TLK1: variants seen among roughly 807,000 people sequenced by gnomAD.
TLK1 encodes the protein tousled like kinase 1.
In TLK1, 24 loss-of-function variants were observed where a neutral mutation model predicts 105.3. The ratio of observed to expected loss-of-function variants is 0.23; its 90% CI spans 0.17 to 0.32. The LOEUF (loss-of-function observed/expected upper bound fraction) is 0.32. Ranked by LOEUF, TLK1 falls within the 10% of genes least tolerant of loss-of-function variation. TLK1 has a pLI of 1.00. For missense variants in TLK1, 558 were observed against 910.5 expected, an observed-to-expected ratio of 0.61 and a Z score of 4.98; for synonymous variants, 321 against 310.4, an observed-to-expected ratio of 1.03 and a Z score of -0.36.
chr2:171,014,443 T>G (rs1349043801), intron 13 of TLK1, among the ~76,000 whole-genome samples: 2 of 151,892 alleles, frequency 1.3e-5, no homozygotes, highest in African/African-American at 4.8e-5. Flanking sequence ...AAAGCAATCC[T>G]CCTACCTGAG....
At chr2:171,067,406 C>T (rs1688051658) in intron 3 of TLK1, among the ~76,000 whole-genome samples, 1 of 151,976 alleles carries the variant, frequency 6.6e-6, no homozygotes, top group Admixed American at 6.6e-5. Context: ...TGTGATCCAC[C>T]CGCCTCGGCC....
chr2:171,073,061 T>G lies in TLK1; in HGVS notation c.330+9720A>C, dbSNP rs573873535. On this transcript the variant is annotated intron_variant, in intron 3 of 20. Coordinates refer to ENST00000431350, the MANE Select transcript of TLK1 (RefSeq NM_012290.5). Reference sequence around the variant, plus strand: ...TATAGAAATGCTACTTTTTTAATATTGATTTTGTATCCTGCAACTTTACTG... The same window carrying G: ...TATAGAAATGCTACTTTTTTAATATGGATTTTGTATCCTGCAACTTTACTG... 2.0e-3 allele frequency among the ~76,000 whole-genome samples: 310 copies of G among 152,344 alleles called. 1 individual carries two copies. The highest frequency in any genetic ancestry group is 7.7e-3 in the South Asian group (37 of 4,830).
intron 1 of TLK1, among the ~76,000 whole-genome samples, chr2:171,148,923 GTGTGCGTGTGCGTGTGTGTGTA>G (rs1691910351): frequency 1.4e-5 from 2 of 146,310 alleles, no homozygotes; most frequent in South Asian, 4.3e-4. Context: ...GTGTGTGTGT[GTGTGCGTGTGCGTGTGTGTGTA>G]TGTGCGATAT....
At chr2:171,074,097 G>C (rs1558925833) in intron 3 of TLK1, among the ~76,000 whole-genome samples, 1 of 151,940 alleles carries the variant, frequency 6.6e-6, no homozygotes, top group Non-Finnish European at 1.5e-5. Context: ...CACCCTGTTG[G>C]CCAGGCTGGT....
chr2:171,154,945 CAGAAG>C (rs1345476800), intron 1 of TLK1, among the ~76,000 whole-genome samples: 1 of 152,020 alleles, frequency 6.6e-6, no homozygotes, highest in African/African-American at 2.4e-5. Flanking sequence ...ATCCAACTCA[CAGAAG>C]AGATTATGTG....
At chr2:171,017,737 T>C (rs1685277441) in intron 12 of TLK1, among the ~76,000 whole-genome samples, 1 of 152,230 alleles carries the variant, frequency 6.6e-6, no homozygotes, top group South Asian at 2.1e-4. Context: ...GCAAGTTTCA[T>C]TCCATTTGAA....
chr2:171,110,225 T>G (rs1452477602), intron 2 of TLK1, among the ~76,000 whole-genome samples: 4 of 152,170 alleles, frequency 2.6e-5, no homozygotes, highest in African/African-American at 9.7e-5. Flanking sequence ...ATGCCAGCAC[T>G]TTGGGAAGCC....
rs146566864 is a variant in TLK1 at position 171,006,044 on chromosome 2, G to A, written c.1904+103C>T. 769 of 1,215,892 alleles carry A rather than the reference G, an allele frequency of 6.3e-4. 4 individuals carry two copies. The African/African-American group carries it at 0.011, about 17-fold the overall frequency. 75.3% of individuals were successfully genotyped at this position (1,215,892 alleles called of 1,614,324 possible). A position where few individuals can be genotyped will look rare whatever the true frequency, so the allele number is the denominator to read the frequency against. ...GCTTAATATCAGTACCTTTACCACAGTAATCTTAATGGCTACATGGAAATA... is the reference window on the plus strand; with the variant it reads ...GCTTAATATCAGTACCTTTACCACAATAATCTTAATGGCTACATGGAAATA... On this transcript the variant is annotated intron_variant, in intron 18 of 20. Coordinates refer to ENST00000431350, the MANE Select transcript of TLK1 (RefSeq NM_012290.5).
At chr2:171,046,037 A>T in intron 11 of TLK1, 137 bp downstream of exon 11, 1 of 725,006 alleles carries the variant, frequency 1.4e-6, no homozygotes, top group Non-Finnish European at 2.1e-6. Context: ...ATTTAGAGCT[A>T]AATTTTCAAT....
chr2:171,089,148 A>C (rs1689112973), intron 2 of TLK1, among the ~76,000 whole-genome samples: 1 of 152,172 alleles, frequency 6.6e-6, no homozygotes, highest in Non-Finnish European at 1.5e-5. Flanking sequence ...GTGAGACACC[A>C]CATTTGGCCT....
rs1684942834 is a variant in TLK1, at chr2:171,012,045, A to T, written c.1335-591T>A. Among the ~76,000 whole-genome samples, 3 of 152,026 alleles carry T rather than the reference A, an allele frequency of 2.0e-5. No homozygotes were observed. The South Asian group carries it at 6.2e-4, about 32-fold the overall frequency. ...GAGTATCCCTTATTGAAATACCTGG[A>T]ACCAGAAGTGTTTCCGATTTGGGAG... On this transcript the variant is annotated intron_variant, in intron 13 of 20. Transcript: ENST00000431350.
chr2:171,113,226 G>C (rs1408077972), intron 2 of TLK1, among the ~76,000 whole-genome samples: 1 of 151,236 alleles, frequency 6.6e-6, no homozygotes, highest in African/African-American at 2.4e-5. Flanking sequence ...AGACATTTCA[G>C]AGACAAACCT....
chr2:171,136,118 A>G (rs1014390643), intron 1 of TLK1, among the ~76,000 whole-genome samples: 4 of 152,234 alleles, frequency 2.6e-5, no homozygotes, highest in African/African-American at 9.6e-5. Flanking sequence ...CACACGTACT[A>G]TGGAATATTA....
At chr2:171,206,737 C>G (rs1693514733) in intron 1 of TLK1, among the ~76,000 whole-genome samples, 1 of 152,164 alleles carries the variant, frequency 6.6e-6, no homozygotes, top group Non-Finnish European at 1.5e-5. Context: ...GAAAACCTAA[C>G]TATAAAAAGG....
chr2:171,013,188 T>C (rs1281343912), intron 13 of TLK1, among the ~76,000 whole-genome samples: 5 of 151,954 alleles, frequency 3.3e-5, no homozygotes, highest in African/African-American at 7.3e-5. Context: ...AGTGTTTTTA[T>C]TTTTAGTAGA....
rs561412697 is a variant in TLK1 at position 171,079,602 on chromosome 2, C to T, written c.330+3179G>A. Among the ~76,000 whole-genome samples, 128 of 152,248 alleles carry T rather than the reference C, an allele frequency of 8.4e-4. 1 individual carries two copies. In the Middle Eastern group the frequency reaches 0.031, roughly 36 times the overall value. ...GATGTAAAATAAAACAAAATCAAAA[C>T]AATACCTTCTTACCTACCATCTTCT... On this transcript the variant is annotated intron_variant, in intron 3 of 20. Transcript: ENST00000431350.
intron 1 of TLK1, among the ~76,000 whole-genome samples, chr2:171,144,741 TTGAGA>T (rs1041173284): frequency 3.6e-4 from 55 of 152,188 alleles, no homozygotes; most frequent in African/African-American, 1.3e-3. Context: ...TTTTATGAAC[TTGAGA>T]TAAGAAAAGG....
intron 18 of TLK1, among the ~76,000 whole-genome samples, chr2:170,998,329 C>T (rs1309930429): frequency 6.6e-6 from 1 of 152,184 alleles, no homozygotes; most frequent in Admixed American, 6.5e-5. Context: ...TTGTTTGTAA[C>T]ACAAGACTCA....
chr2:171,200,533 A>C (rs904362189), intron 1 of TLK1, among the ~76,000 whole-genome samples: 1 of 152,204 alleles, frequency 6.6e-6, no homozygotes, highest in Non-Finnish European at 1.5e-5. Flanking sequence ...CAGGCAAGCT[A>C]AATAAAATTG....
Sources: gnomAD v4.1 joint callset for allele counts (sites outside exome capture counted in the v4.1 genomes callset) on GRCh38, gnomAD v4.1.1 for gene constraint, MANE v1.5 for transcripts, NCBI Gene and HGNC (gene_info 2026-07-23, HGNC 2026-07-21) for gene names.